Variants in METTL15 observed in about 807,000 individuals in gnomAD.
METTL15 encodes methyltransferase 15, mitochondrial 12S rRNA N4-cytidine.
A neutral mutation model predicts 38.3 loss-of-function variants in METTL15; 34 were observed. The observed-to-expected ratio is 0.89, with a 90% confidence interval of 0.68 to 1.18. METTL15 has a LOEUF of 1.18. Ranked by LOEUF, METTL15 falls within the 50% of genes most tolerant of loss-of-function variation. The pLI, the probability that METTL15 is intolerant of heterozygous loss-of-function variation, is 0.00. For missense variants in METTL15, 438 were observed against 498.4 expected (o/e 0.88, Z 1.15); for synonymous variants, 162 against 170.9 (o/e 0.95, Z 0.41).
intron 3 of METTL15, among the ~76,000 whole-genome samples, chr11:28,190,875 G>A (rs970160898): frequency 7.3e-5 from 11 of 151,158 alleles, no homozygotes; most frequent in African/African-American, 1.9e-4. Flanking sequence ...TACTTAGCTC[G>A]TTTGCTTTAG....
intron 5 of METTL15, among the ~76,000 whole-genome samples, chr11:28,397,555 G>A (rs1419107757): frequency 1.1e-4 from 16 of 152,002 alleles, no homozygotes; most frequent in Admixed American, 7.2e-4. Flanking sequence ...TCTCACACCA[G>A]TTAGAATGGC....
intron 4 of METTL15, among the ~76,000 whole-genome samples, chr11:28,239,994 C>G (rs557725972): frequency 6.6e-6 from 1 of 152,178 alleles, no homozygotes; most frequent in African/African-American, 2.4e-5. Context: ...GATCTAATAC[C>G]TATAACAGTT....
chr11:28,363,420 C>T (rs1172462458), intron 5 of METTL15, among the ~76,000 whole-genome samples: 2 of 152,204 alleles, frequency 1.3e-5, no homozygotes, highest in African/African-American at 4.8e-5. Context: ...GATCCACCCG[C>T]CTTGGCCTCC....
chr11:28,242,322 A>T (rs1854335072), intron 4 of METTL15, among the ~76,000 whole-genome samples: 1 of 152,154 alleles, frequency 6.6e-6, no homozygotes, highest in African/African-American at 2.4e-5. Context: ...GACAGAAATG[A>T]TGTCTTATTT....
intron 4 of METTL15, among the ~76,000 whole-genome samples, chr11:28,282,271 T>C (rs929464394): frequency 6.6e-6 from 1 of 152,196 alleles, no homozygotes; most frequent in Non-Finnish European, 1.5e-5. Flanking sequence ...CCTTGCCCTT[T>C]AGTCTACTTA....
intron 3 of METTL15, among the ~76,000 whole-genome samples, chr11:28,199,215 A>G (rs1012314735): frequency 6.6e-6 from 1 of 152,078 alleles, no homozygotes; most frequent in Non-Finnish European, 1.5e-5. Flanking sequence ...TTTGATTAGG[A>G]TGATCTTTTA....
At chr11:28,252,124 A>G (rs1425403810) in intron 4 of METTL15, among the ~76,000 whole-genome samples, 2 of 152,180 alleles carry the variant, frequency 1.3e-5, no homozygotes, top group African/African-American at 2.4e-5. Flanking sequence ...GTGAAGGTAT[A>G]TTAGTGAACA....
intron 6 of METTL15, among the ~76,000 whole-genome samples, chr11:28,429,969 C>A (rs1191123682): frequency 1.6e-5 from 2 of 128,468 alleles, no homozygotes; most frequent in African/African-American, 2.9e-5. Flanking sequence ...TCTGCCCGGC[C>A]GCCCATCGTC....
chr11:28,224,613 C>A (rs187869560), intron 4 of METTL15, among the ~76,000 whole-genome samples: 359 of 151,834 alleles, frequency 2.4e-3, no homozygotes, highest in Non-Finnish European at 4.3e-3. Flanking sequence ...GCACATTCCT[C>A]TTTCATTAGA....
intron 3 of METTL15, chr11:28,352,030 G>C (rs1351831052): frequency 6.6e-6 from 1 of 152,174 alleles, no homozygotes; most frequent in Non-Finnish European, 1.5e-5. Flanking sequence ...TAGGTATTGT[G>C]ATTCTAGGTA....
intron 5 of METTL15, among the ~76,000 whole-genome samples, chr11:28,423,481 GA>G (rs1385547661): frequency 1.3e-5 from 2 of 151,896 alleles, no homozygotes; most frequent in Non-Finnish European, 2.9e-5. Flanking sequence ...AATGAATAAA[GA>G]AAATATAGTA....
intron 5 of METTL15, among the ~76,000 whole-genome samples, chr11:28,373,769 G>A (rs1850273231): frequency 6.6e-6 from 1 of 151,974 alleles, no homozygotes; most frequent in Admixed American, 6.6e-5. Context: ...GTAATGCCTA[G>A]GTTTTCTTCT....
intron 3 of METTL15, among the ~76,000 whole-genome samples, chr11:28,167,364 A>C (rs1229196944): frequency 6.6e-6 from 1 of 152,220 alleles, no homozygotes; most frequent in Non-Finnish European, 1.5e-5. Flanking sequence ...AGGAAAGCTC[A>C]GCAGTGGCAA....
intron 4 of METTL15, among the ~76,000 whole-genome samples, chr11:28,280,687 C>T (rs4614434): frequency 3.2e-3 from 392 of 123,184 alleles, no homozygotes; most frequent in Non-Finnish European, 3.6e-3. Context: ...TTTTTTGTAT[C>T]TTCCAAATTA....
Position 28,220,410 on chromosome 11 carries a change from C to T in METTL15, c.407+9212C>T, listed in dbSNP as rs962306639. On this transcript the variant is annotated intron_variant, in intron 4 of 6. Transcript: ENST00000407364. ...CCTGCCTTTTTTTGTTTTCCATTTG[C>T]TTGGTAGATCTTCCTCCATTCCTTT... is the stretch of plus-strand genomic sequence containing the variant. Among the ~76,000 whole-genome samples the T allele has an allele frequency of 5.3e-5, 8 of 152,088 alleles. 1 individual carries two copies. The highest frequency in any genetic ancestry group is 1.4e-4 in the African/African-American group (6 of 41,394).
At chr11:28,114,269 A>T (rs1034211861) in intron 3 of METTL15, among the ~76,000 whole-genome samples, 16 of 151,990 alleles carry the variant, frequency 1.1e-4, no homozygotes, top group African/African-American at 3.6e-4. Flanking sequence ...TTTACTCAGC[A>T]TGTTTTCAGG....
chr11:28,129,974 G>A lies in METTL15; in HGVS notation c.270+16370G>A, dbSNP rs190924323. Reference sequence around the variant, plus strand: ...CTATAATTGATGGAGAAAAAGCTAGGGTACACAATTCATGGGGAAAAGAGA... The same window carrying A: ...CTATAATTGATGGAGAAAAAGCTAGAGTACACAATTCATGGGGAAAAGAGA... On this transcript the variant is annotated intron_variant, in intron 3 of 6. Transcript: ENST00000407364. 2.2e-3 allele frequency among the ~76,000 whole-genome samples: 340 copies of A among 151,996 alleles called. 3 individuals carry two copies. The highest frequency in any genetic ancestry group is 7.8e-3 in the African/African-American group (324 of 41,460).
chr11:28,228,235 TTTAG>T (rs1853557549), intron 4 of METTL15, among the ~76,000 whole-genome samples: 1 of 151,910 alleles, frequency 6.6e-6, no homozygotes, highest in Admixed American at 6.6e-5. Flanking sequence ...GCTTATCTGC[TTTAG>T]TATCTGACTG....
At chr11:28,467,426 A>C (rs2133460577) in intron 6 of METTL15, among the ~76,000 whole-genome samples, 1 of 152,314 alleles carries the variant, frequency 6.6e-6, no homozygotes, top group South Asian at 2.1e-4. Flanking sequence ...AAGAGGCTCC[A>C]AACTGCCTCC....
Sources: allele counts gnomAD v4.1 joint callset (sites outside exome capture counted in the v4.1 genomes callset), GRCh38; gene constraint gnomAD v4.1.1; transcripts MANE v1.5; gene names NCBI Gene and HGNC (gene_info 2026-07-23, HGNC 2026-07-21).